The following PDE4D variants were observed in gnomAD, a reference collection of about 807,000 sequenced individuals.
PDE4D encodes phosphodiesterase 4D.
In PDE4D, 24 loss-of-function variants were observed where a neutral mutation model predicts 87.4. The ratio of observed to expected loss-of-function variants is 0.27; its 90% CI spans 0.20 to 0.39. The LOEUF is 0.39. Among genes scored for constraint, PDE4D ranks in the 10% least tolerant of loss-of-function variants. The pLI is 1.00. For missense variants in PDE4D, 714 were observed against 1,041.0 expected (o/e 0.69, Z 4.32); for synonymous variants, 384 against 383.2 (o/e 1.00, Z -0.02).
chr5:59,613,355 G>A (rs568792574), intron 1 of PDE4D, among the ~76,000 whole-genome samples: 1 of 152,290 alleles, frequency 6.6e-6, no homozygotes, highest in Admixed American at 6.5e-5. Flanking sequence ...AGGTATAGAG[G>A]AGACATCATG....
chr5:59,115,077 G>A (rs1456869333), intron 5 of PDE4D, among the ~76,000 whole-genome samples: 1 of 147,432 alleles, frequency 6.8e-6, no homozygotes, highest in African/African-American at 2.5e-5. Context: ...GGGAGAAGGG[G>A]CGATAGATGG....
intron 1 of PDE4D, among the ~76,000 whole-genome samples, chr5:59,608,284 T>C (rs907318174): frequency 1.3e-5 from 2 of 152,156 alleles, no homozygotes; most frequent in African/African-American, 4.8e-5. Context: ...TTCCTCCCTA[T>C]GTCCTATTTA....
intron 1 of PDE4D, among the ~76,000 whole-genome samples, chr5:60,294,977 G>A (rs1006951033): frequency 1.2e-4 from 19 of 152,002 alleles, no homozygotes; most frequent in Admixed American, 4.6e-4. Flanking sequence ...AATTGTTATT[G>A]AGTCTTCTGA....
At chr5:60,178,168 A>C (rs1015578717) in intron 2 of PDE4D, among the ~76,000 whole-genome samples, 1 of 152,174 alleles carries the variant, frequency 6.6e-6, no homozygotes, top group Non-Finnish European at 1.5e-5. Flanking sequence ...AGTGCTAGAA[A>C]ACCCTGTCAG....
At chr5:59,916,464 T>C (rs749302686) in intron 3 of PDE4D, among the ~76,000 whole-genome samples, 1 of 152,172 alleles carries the variant, frequency 6.6e-6, no homozygotes, top group Non-Finnish European at 1.5e-5. Context: ...AGACATATAA[T>C]AACTCTGGTC....
chr5:59,099,037 G>A (rs1770274979), intron 5 of PDE4D, among the ~76,000 whole-genome samples: 1 of 152,088 alleles, frequency 6.6e-6, no homozygotes, highest in African/African-American at 2.4e-5. Context: ...TTTTGACTAG[G>A]CAGATGTCAC....
chr5:60,085,427 A>G lies in PDE4D; in HGVS notation c.43-96710T>C, dbSNP rs77155030. On this transcript the variant is annotated intron_variant, in intron 2 of 16. Transcript: ENST00000502484. The stretch of plus-strand genomic sequence containing the variant: ...CACTTCCTAACCTCCAGGCATAGCC[A>G]GTCTTATTTTCTCATTCTCTATTAG... Among the ~76,000 whole-genome samples the G allele has an allele frequency of 7.7e-3, 1,171 of 152,294 alleles. 13 individuals are homozygous for G. Among genetic ancestry groups the G allele is most frequent in the African/African-American group, 0.027 (1,115 of 41,554 alleles).
intron 1 of PDE4D, among the ~76,000 whole-genome samples, chr5:59,369,696 G>C (rs1783652935): frequency 6.6e-6 from 1 of 152,086 alleles, no homozygotes; most frequent in Admixed American, 6.6e-5. Flanking sequence ...TTGCCACTGG[G>C]AATGTTAAAA....
chr5:59,906,428 A>C (rs1752825729), intron 3 of PDE4D, among the ~76,000 whole-genome samples: 1 of 152,190 alleles, frequency 6.6e-6, no homozygotes, highest in Non-Finnish European at 1.5e-5. Flanking sequence ...AAACAGGGTC[A>C]GGCAAACTGT....
chr5:60,016,280 A>G (rs1257539933), intron 2 of PDE4D, among the ~76,000 whole-genome samples: 3 of 152,174 alleles, frequency 2.0e-5, no homozygotes, highest in Admixed American at 1.3e-4. Flanking sequence ...CACTTTAGTT[A>G]AAAATACTTT....
intron 1 of PDE4D, among the ~76,000 whole-genome samples, chr5:60,251,332 T>C (rs1012120561): frequency 6.6e-6 from 1 of 151,922 alleles, no homozygotes; most frequent in African/African-American, 2.4e-5. Flanking sequence ...TACCTGCTGG[T>C]TATTTTCCTG....
At chr5:60,254,053 T>C (rs758948811) in intron 1 of PDE4D, among the ~76,000 whole-genome samples, 8 of 151,952 alleles carry the variant, frequency 5.3e-5, no homozygotes, top group Non-Finnish European at 1.0e-4. Flanking sequence ...CTTCTTTCTA[T>C]GCCCTTCTAA....
chr5:60,175,144 G>A (rs1016294326), intron 2 of PDE4D, among the ~76,000 whole-genome samples: 4 of 151,310 alleles, frequency 2.6e-5, no homozygotes, highest in African/African-American at 9.7e-5. Context: ...TCTTTTTTCT[G>A]TTTGGGTAAT....
intron 2 of PDE4D, among the ~76,000 whole-genome samples, chr5:60,052,365 G>A (rs1339184873): frequency 6.6e-6 from 1 of 152,122 alleles, no homozygotes; most frequent in Non-Finnish European, 1.5e-5. Context: ...TCATCCCTGG[G>A]ATACAAGGCT....
chr5:59,028,576 G>A (rs1498610), intron 6 of PDE4D, among the ~76,000 whole-genome samples: 2,892 of 151,518 alleles, frequency 0.019, 84 homozygotes, highest in African/African-American at 0.055. Context: ...AGAAGGCAAC[G>A]TGGCCCAATT....
At chr5:59,879,671 G>A (rs1749149500) in intron 1 of PDE4D, among the ~76,000 whole-genome samples, 1 of 152,168 alleles carries the variant, frequency 6.6e-6, no homozygotes, top group South Asian at 2.1e-4. Flanking sequence ...GACACAAACG[G>A]CATCCAAAGC....
chr5:60,433,652 C>A (rs375893626), intron 1 of PDE4D, among the ~76,000 whole-genome samples: 5 of 152,096 alleles, frequency 3.3e-5, no homozygotes, highest in Admixed American at 2.0e-4. Flanking sequence ...TTCACAATAA[C>A]AAAGACAAGG....
At chr5:60,153,512 A>G (rs192191213) in intron 2 of PDE4D, among the ~76,000 whole-genome samples, 186 of 152,338 alleles carry the variant, frequency 1.2e-3, no homozygotes, top group African/African-American at 4.3e-3. Flanking sequence ...TGGAATTTCT[A>G]CTTCGGGGCA....
chr5:59,231,018 CATT>C (rs1755063301), intron 1 of PDE4D, among the ~76,000 whole-genome samples: 1 of 152,144 alleles, frequency 6.6e-6, no homozygotes, highest in Admixed American at 6.5e-5. Context: ...TTATGTGTCT[CATT>C]GTATAATAAG....
Sources: allele counts gnomAD v4.1 joint callset (sites outside exome capture counted in the v4.1 genomes callset), GRCh38; gene constraint gnomAD v4.1.1; transcripts MANE v1.5; gene names NCBI Gene and HGNC (gene_info 2026-07-23, HGNC 2026-07-21).